The following STRBP variants were observed in gnomAD, a reference collection of about 807,000 sequenced individuals.
The protein encoded by STRBP is spermatid perinuclear RNA-binding protein.
In STRBP, 13 loss-of-function variants were observed where a neutral mutation model predicts 80.1. The ratio of observed to expected loss-of-function variants is 0.16; its 90% CI spans 0.11 to 0.26. STRBP has a LOEUF of 0.26. Ranked by LOEUF, STRBP falls within the 10% of genes least tolerant of loss-of-function variation. The probability of loss-of-function intolerance (pLI) is 1.00; values close to 1 mark genes in which losing one functional copy is unlikely to be tolerated. For missense variants in STRBP, 485 were observed against 815.2 expected (o/e 0.59, Z 4.93); for synonymous variants, 284 against 291.2 (o/e 0.98, Z 0.25).
intron 1 of STRBP, among the ~76,000 whole-genome samples, chr9:123,242,296 T>C (rs375921230): frequency 6.6e-6 from 1 of 152,222 alleles, no homozygotes; most frequent in African/African-American, 2.4e-5. Context: ...TTTACCACTG[T>C]ATTCTGGTGC....
intron 3 of STRBP, among the ~76,000 whole-genome samples, chr9:123,183,369 G>T (rs1422521133): frequency 6.6e-6 from 1 of 151,896 alleles, no homozygotes; most frequent in Non-Finnish European, 1.5e-5. Context: ...CCTGGGAGAC[G>T]GAGGTTGCAG....
intron 2 of STRBP, among the ~76,000 whole-genome samples, chr9:123,222,077 A>T (rs943407031): frequency 1.3e-5 from 2 of 152,104 alleles, no homozygotes; most frequent in African/African-American, 2.4e-5. Context: ...AATCTTCTGC[A>T]AAGAAGATTT....
chr9:123,212,457 A>G (rs997637017), intron 2 of STRBP: 2 of 152,234 alleles, frequency 1.3e-5, no homozygotes, highest in Non-Finnish European at 2.9e-5. Flanking sequence ...TAAACTATCC[A>G]ACTATTTGGA....
chr9:123,140,085 C>T (rs563902013), intron 13 of STRBP, among the ~76,000 whole-genome samples: 1 of 152,220 alleles, frequency 6.6e-6, no homozygotes, highest in Admixed American at 6.5e-5. Context: ...GAGTCTAATC[C>T]TGTATTTCTC....
chr9:123,266,173 T>C (rs1338004588), intron 1 of STRBP, among the ~76,000 whole-genome samples: 1 of 152,188 alleles, frequency 6.6e-6, no homozygotes, highest in African/African-American at 2.4e-5. Context: ...CATTCACTCT[T>C]GGTGCGCTCC....
intron 2 of STRBP, among the ~76,000 whole-genome samples, chr9:123,116,518 A>G (rs1356073971): frequency 6.6e-6 from 1 of 152,250 alleles, no homozygotes; most frequent in Non-Finnish European, 1.5e-5. Flanking sequence ...CACCTTGCCC[A>G]GTAGCACACT....
At chr9:123,141,785 A>G (rs2036600101) in intron 13 of STRBP, among the ~76,000 whole-genome samples, 1 of 152,244 alleles carries the variant, frequency 6.6e-6, no homozygotes, top group African/African-American at 2.4e-5. Context: ...TATCTCAGGG[A>G]AGTGTCCAAC....
At chr9:123,231,182 G>A (rs1045211399) in intron 2 of STRBP, among the ~76,000 whole-genome samples, 2 of 152,036 alleles carry the variant, frequency 1.3e-5, no homozygotes, top group African/African-American at 4.8e-5. Context: ...AGATTTTAAT[G>A]TACAACGAGG....
chr9:123,195,920 T>G (rs1438049986), intron 2 of STRBP, among the ~76,000 whole-genome samples: 1 of 152,126 alleles, frequency 6.6e-6, no homozygotes, highest in Non-Finnish European at 1.5e-5. Context: ...AGAACAAAAC[T>G]GGAGGAATTA....
At chr9:123,169,015 C>T (rs2037890926) in intron 6 of STRBP, among the ~76,000 whole-genome samples, 1 of 151,932 alleles carries the variant, frequency 6.6e-6, no homozygotes, top group African/African-American at 2.4e-5. Flanking sequence ...GGTCACAAAC[C>T]TCCTAAAAAA....
chr9:123,215,649 G>A lies in STRBP; in HGVS notation c.-165+21181C>T, dbSNP rs561491657. 6.6e-5 allele frequency among the ~76,000 whole-genome samples: 10 copies of A among 152,194 alleles called. No individual in the cohort carries two copies. The South Asian group carries it at 1.9e-3, about 28-fold the overall frequency. On this transcript the variant is annotated intron_variant, in intron 2 of 18. Coordinates refer to ENST00000348403, the MANE Select transcript of STRBP (RefSeq NM_018387.5). ...AAAATATAAAAATTAGCCGGGTGTG[G>A]TGATGCGTGCCTATAATCCTAGATA...
intron 1 of STRBP, among the ~76,000 whole-genome samples, chr9:123,247,453 G>A (rs2040822353): frequency 6.6e-6 from 1 of 152,122 alleles, no homozygotes; most frequent in South Asian, 2.1e-4. Context: ...ATTTTTAGTA[G>A]AGACAGGGTT....
chr9:123,137,129 G>A (rs777752865), intron 14 of STRBP, among the ~76,000 whole-genome samples: 2 of 152,220 alleles, frequency 1.3e-5, no homozygotes, highest in Non-Finnish European at 2.9e-5. Context: ...GTATGTTAAA[G>A]AGGAGATACA....
At chr9:123,165,520 T>C (rs1202144160) in intron 6 of STRBP, among the ~76,000 whole-genome samples, 1 of 152,182 alleles carries the variant, frequency 6.6e-6, no homozygotes, top group Non-Finnish European at 1.5e-5. Flanking sequence ...ACCCCAGTAC[T>C]GAGGAGAGAG....
chr9:123,196,196 C>T (rs1408245239), intron 2 of STRBP, among the ~76,000 whole-genome samples: 1 of 152,124 alleles, frequency 6.6e-6, no homozygotes, highest in Non-Finnish European at 1.5e-5. Flanking sequence ...AATTAGACCC[C>T]TATCTTTCAT....
At chr9:123,183,998 G>C (rs754160387) in intron 3 of STRBP, 134 bp downstream of exon 3, 2 of 694,558 alleles carry the variant, frequency 2.9e-6, no homozygotes, top group East Asian at 2.7e-5. Context: ...ATAGTAGAGT[G>C]CCATCTTTAT....
chr9:123,257,808 C>T (rs1564340552), intron 1 of STRBP, among the ~76,000 whole-genome samples: 1 of 151,736 alleles, frequency 6.6e-6, no homozygotes, highest in Non-Finnish European at 1.5e-5. Flanking sequence ...CAGAACAAGA[C>T]CCTGTCTCAA....
At chr9:123,166,313 A>G (rs1403227566) in intron 6 of STRBP, among the ~76,000 whole-genome samples, 1 of 152,198 alleles carries the variant, frequency 6.6e-6, no homozygotes, top group Non-Finnish European at 1.5e-5. Context: ...GTTGACTACT[A>G]CTATTTACTG....
At chr9:123,231,246 C>G (rs1029143940) in intron 2 of STRBP, among the ~76,000 whole-genome samples, 3 of 152,150 alleles carry the variant, frequency 2.0e-5, no homozygotes, top group Non-Finnish European at 4.4e-5. Flanking sequence ...GCAGCCTATA[C>G]TCCTCTATTG....
Sources: gnomAD v4.1 joint callset for allele counts (sites outside exome capture counted in the v4.1 genomes callset) on GRCh38, gnomAD v4.1.1 for gene constraint, MANE v1.5 for transcripts, NCBI Gene and HGNC (gene_info 2026-07-23, HGNC 2026-07-21) for gene names.